Variants in ST8SIA6 observed in about 807,000 individuals in gnomAD.
ST8SIA6 encodes the protein alpha-2,8-sialyltransferase 8F.
In ST8SIA6, 39 loss-of-function variants were observed where a neutral mutation model predicts 33.6. The observed-to-expected ratio is 1.16, with a 90% CI of 0.90 to 1.52. ST8SIA6 has a LOEUF of 1.52. ST8SIA6 is among the 40% of genes most tolerant of loss of function. The probability of loss-of-function intolerance (pLI) is 0.00; values close to 1 mark genes in which losing one functional copy is unlikely to be tolerated. For missense variants in ST8SIA6, 441 were observed against 443.8 expected (o/e 0.99, Z 0.06); for synonymous variants, 172 against 167.2 (o/e 1.03, Z -0.22).
chr10:17,320,655 T>G lies in ST8SIA6; in HGVS notation c.*223A>C. Reference sequence around the variant, plus strand: ...CAATAATTTTCATAAATTATAAAAATTTGTATGAGTCAGATATGGTGTCCA... The same window carrying G: ...CAATAATTTTCATAAATTATAAAAAGTTGTATGAGTCAGATATGGTGTCCA... On this transcript the variant is annotated 3_prime_UTR_variant, in exon 8 of 8. Coordinates refer to ENST00000377602, the MANE Select transcript of ST8SIA6 (RefSeq NM_001004470.3). The G allele has an allele frequency of 2.0e-6, 1 of 510,924 alleles. No homozygotes were observed. Among genetic ancestry groups the G allele is most frequent in the Non-Finnish European group, 3.4e-6 (1 of 296,206 alleles). 31.6% of individuals were successfully genotyped at this position (510,924 alleles called of 1,614,324 possible).
intron 3 of ST8SIA6, among the ~76,000 whole-genome samples, 194 bp downstream of exon 3, chr10:17,390,337 C>A (rs76871431): frequency 2.0e-5 from 3 of 152,164 alleles, no homozygotes; most frequent in African/African-American, 7.2e-5. Flanking sequence ...TTGAGTCCCA[C>A]TGCCAGGGTC....
At chr10:17,418,959 G>A (rs930225266) in intron 2 of ST8SIA6, among the ~76,000 whole-genome samples, 9 of 123,058 alleles carry the variant, frequency 7.3e-5, no homozygotes, top group South Asian at 2.6e-4. Context: ...TGCCACTGCC[G>A]TCCAGCCTGG....
chr10:17,339,378 A>G (rs1848603847), intron 4 of ST8SIA6, among the ~76,000 whole-genome samples: 1 of 152,142 alleles, frequency 6.6e-6, no homozygotes, highest in Admixed American at 6.5e-5. Context: ...AAGTTCCCAT[A>G]AGGTAGAGGC....
intron 2 of ST8SIA6, among the ~76,000 whole-genome samples, chr10:17,401,648 T>G (rs1851047359): frequency 6.6e-6 from 1 of 152,210 alleles, no homozygotes; most frequent in Non-Finnish European, 1.5e-5. Flanking sequence ...CCATCTGATC[T>G]TTGACAAACC....
rs72778956 is a variant in ST8SIA6, at chr10:17,452,979, C to A, written c.200+580G>T. Among the ~76,000 whole-genome samples the A allele has an allele frequency of 8.0e-3, 1,209 of 151,868 alleles. 4 individuals are homozygous for A. Among genetic ancestry groups the A allele is most frequent in the Non-Finnish European group, 0.014 (964 of 67,964 alleles). ...AAGGACTCTGAATGAATAACATTTT[C>A]TTTTATACAGTTCTATTTTCTAACT... On this transcript the variant is annotated intron_variant, in intron 2 of 7. Coordinates refer to ENST00000377602, the MANE Select transcript of ST8SIA6 (RefSeq NM_001004470.3).
intron 2 of ST8SIA6, among the ~76,000 whole-genome samples, chr10:17,433,926 C>T (rs1852175132): frequency 1.3e-5 from 2 of 152,156 alleles, no homozygotes; most frequent in Non-Finnish European, 2.9e-5. Flanking sequence ...TTCAGCTTCA[C>T]AAACCCATCT....
At chr10:17,432,332 G>C (rs1234906429) in intron 2 of ST8SIA6, among the ~76,000 whole-genome samples, 1 of 152,174 alleles carries the variant, frequency 6.6e-6, no homozygotes, top group East Asian at 1.9e-4. Flanking sequence ...TTAGTGTGCT[G>C]TTTTGAGAAT....
At chr10:17,371,430 G>A (rs1007072192) in intron 3 of ST8SIA6, among the ~76,000 whole-genome samples, 1 of 152,128 alleles carries the variant, frequency 6.6e-6, no homozygotes, top group Non-Finnish European at 1.5e-5. Context: ...GAGGCCTGAG[G>A]ATTGAATTCT....
chr10:17,433,192 A>G (rs1274673194), intron 2 of ST8SIA6, among the ~76,000 whole-genome samples: 1 of 151,838 alleles, frequency 6.6e-6, no homozygotes, highest in African/African-American at 2.4e-5. Flanking sequence ...AATCTGGGGG[A>G]AAAAAAATAA....
At chr10:17,374,883 C>T (rs994268435) in intron 3 of ST8SIA6, among the ~76,000 whole-genome samples, 1 of 151,446 alleles carries the variant, frequency 6.6e-6, no homozygotes, top group African/African-American at 2.4e-5. Flanking sequence ...GTATGAATGG[C>T]TGTTTTGTGT....
chr10:17,427,973 A>G (rs1339149407), intron 2 of ST8SIA6, among the ~76,000 whole-genome samples: 1 of 152,264 alleles, frequency 6.6e-6, no homozygotes, highest in Non-Finnish European at 1.5e-5. Context: ...GTAGGCAAGA[A>G]GTACACAAGA....
At chr10:17,360,845 G>A (rs1849358490) in intron 3 of ST8SIA6, among the ~76,000 whole-genome samples, 1 of 151,336 alleles carries the variant, frequency 6.6e-6, no homozygotes, top group Admixed American at 6.6e-5. Context: ...AATGATCTAG[G>A]CATACCAATT....
intron 2 of ST8SIA6, chr10:17,408,244 T>A (rs999057514): frequency 9.2e-5 from 14 of 152,646 alleles, no homozygotes; most frequent in African/African-American, 3.4e-4. Flanking sequence ...AATCCAAGAA[T>A]GTGAGTTCTG....
chr10:17,425,261 A>T (rs1851899203), intron 2 of ST8SIA6, among the ~76,000 whole-genome samples: 1 of 152,140 alleles, frequency 6.6e-6, no homozygotes, highest in Non-Finnish European at 1.5e-5. Flanking sequence ...CCAAAAGCAG[A>T]CCACAAGACA....
intron 2 of ST8SIA6, among the ~76,000 whole-genome samples, chr10:17,451,223 C>T (rs1852898427): frequency 6.6e-6 from 1 of 152,124 alleles, no homozygotes; most frequent in Admixed American, 6.5e-5. Context: ...CATATATGTA[C>T]CACATACTAG....
chr10:17,422,674 A>G (rs904900619), intron 2 of ST8SIA6, among the ~76,000 whole-genome samples: 7 of 152,166 alleles, frequency 4.6e-5, no homozygotes, highest in African/African-American at 1.4e-4. Flanking sequence ...TAAAAAAACT[A>G]TTTTACTGAC....
intron 2 of ST8SIA6, among the ~76,000 whole-genome samples, chr10:17,402,255 C>A (rs540028904): frequency 2.5e-4 from 38 of 152,166 alleles, no homozygotes; most frequent in African/African-American, 8.9e-4. Flanking sequence ...GTTAGAATGG[C>A]GATCATTAAA....
intron 2 of ST8SIA6, chr10:17,413,608 G>A (rs1851519519): frequency 6.6e-6 from 1 of 152,136 alleles, no homozygotes; most frequent in South Asian, 2.1e-4. Flanking sequence ...GTCTTACACA[G>A]AAATACTGAC....
At chr10:17,443,497 C>T (rs1343739730) in intron 2 of ST8SIA6, among the ~76,000 whole-genome samples, 1 of 152,148 alleles carries the variant, frequency 6.6e-6, no homozygotes, top group African/African-American at 2.4e-5. Flanking sequence ...ACAACAATAA[C>T]TAGCAAGATA....
Sources: gnomAD v4.1 joint callset for allele counts (sites outside exome capture counted in the v4.1 genomes callset) on GRCh38, gnomAD v4.1.1 for gene constraint, MANE v1.5 for transcripts, NCBI Gene and HGNC (gene_info 2026-07-23, HGNC 2026-07-21) for gene names.